CPAP: variants seen among roughly 807,000 people sequenced by gnomAD.
CPAP encodes the protein centrosomal P4.1-associated protein.
At chr13:24,926,671 A>G in the CPAP span, among the ~76,000 whole-genome samples, 3 of 152,080 alleles carry the variant, frequency 2.0e-5, no homozygotes, top group African/African-American at 4.8e-5. Context: ...CTCCTCCAAT[A>G]AATTGGAAAA....
chr13:24,898,321 G>A, the CPAP span, among the ~76,000 whole-genome samples: 7 of 152,102 alleles, frequency 4.6e-5, no homozygotes, highest in African/African-American at 1.4e-4. Flanking sequence ...AGAGTACAGC[G>A]GGGAGAGAGA....
At chr13:24,907,533 CT>C in the CPAP span, among the ~76,000 whole-genome samples, 2 of 151,874 alleles carry the variant, frequency 1.3e-5, no homozygotes, top group Non-Finnish European at 2.9e-5. Flanking sequence ...AAGAAAGGCC[CT>C]TAATGTGAGA....
chr13:24,901,755 G>C, the CPAP span, among the ~76,000 whole-genome samples: 4 of 152,206 alleles, frequency 2.6e-5, no homozygotes, highest in Non-Finnish European at 5.9e-5. Flanking sequence ...ACTTTGGGAG[G>C]CCAAGGCAGG....
the CPAP span, chr13:24,906,223 T>C: frequency 9.9e-6 from 16 of 1,609,834 alleles, no homozygotes; most frequent in Non-Finnish European, 1.2e-5. Context: ...TGCAGATCTG[T>C]TGATCCCTTT....
At chr13:24,888,049 TA>T in the CPAP span, among the ~76,000 whole-genome samples, 1 of 152,352 alleles carries the variant, frequency 6.6e-6, no homozygotes, top group African/African-American at 2.4e-5. Context: ...ATTTGCTTTC[TA>T]ATTGTCAAAC....
chr13:24,904,008 T>C, the CPAP span: 1 of 1,614,086 alleles, frequency 6.2e-7, no homozygotes. Flanking sequence ...TCTATTTCTG[T>C]TTCCAATTCA....
At chr13:24,927,627 A>G in the CPAP span, among the ~76,000 whole-genome samples, 1 of 152,218 alleles carries the variant, frequency 6.6e-6, no homozygotes, top group Admixed American at 6.5e-5. Flanking sequence ...CCAGCTATCA[A>G]TAATGAAGGC....
At chr13:24,903,348 T>A in the CPAP span, among the ~76,000 whole-genome samples, 4 of 152,274 alleles carry the variant, frequency 2.6e-5, no homozygotes, top group African/African-American at 9.6e-5. Flanking sequence ...AATATGACCC[T>A]ATCCTTAAAA....
chr13:24,926,551 AAAAG>A, the CPAP span, among the ~76,000 whole-genome samples: 1 of 152,198 alleles, frequency 6.6e-6, no homozygotes, highest in Admixed American at 6.5e-5. Context: ...AAAGAGCCTA[AAAAG>A]GAAAGGGAAG....
chr13:24,916,549 C>T, the CPAP span, among the ~76,000 whole-genome samples: 1 of 152,104 alleles, frequency 6.6e-6, no homozygotes, highest in South Asian at 2.1e-4. Context: ...CTAGTAATAC[C>T]CAGTAGGAAA....
At chr13:24,907,001 C>A in the CPAP span, 8 of 1,600,676 alleles carry the variant, frequency 5.0e-6, no homozygotes, top group East Asian at 1.8e-4. Flanking sequence ...TTTGGTATAT[C>A]CAAGTGATCT....
At chr13:24,916,966 T>C in the CPAP span, among the ~76,000 whole-genome samples, 1 of 152,138 alleles carries the variant, frequency 6.6e-6, no homozygotes, top group Admixed American at 6.5e-5. Context: ...AAAATACATT[T>C]ACGGCCCGGT....
the CPAP span, among the ~76,000 whole-genome samples, chr13:24,911,281 G>A: frequency 6.6e-6 from 1 of 152,188 alleles, no homozygotes; most frequent in East Asian, 1.9e-4. Flanking sequence ...GTGTGGTCAA[G>A]AAACTTTCAA....
chr13:24,922,739 G>C, the CPAP span: 1 of 152,298 alleles, frequency 6.6e-6, no homozygotes, highest in South Asian at 2.1e-4. Flanking sequence ...GAGCTCCTCC[G>C]CTCTTTTCGC....
the CPAP span, among the ~76,000 whole-genome samples, chr13:24,900,734 G>C: frequency 6.6e-6 from 1 of 152,176 alleles, no homozygotes; most frequent in Non-Finnish European, 1.5e-5. Context: ...GCGGGCAGCA[G>C]AGAGACCTGC....
the CPAP span, chr13:24,886,401 G>A: frequency 1.6e-6 from 2 of 1,278,114 alleles, no homozygotes; most frequent in Non-Finnish European, 2.0e-6. Flanking sequence ...AGACAGGAAT[G>A]GTTCCATTAC....
chr13:24,920,505 C>T, the CPAP span, among the ~76,000 whole-genome samples: 1 of 152,100 alleles, frequency 6.6e-6, no homozygotes, highest in African/African-American at 2.4e-5. Flanking sequence ...CATTTTCTCA[C>T]TGTATCACAC....
the CPAP span, among the ~76,000 whole-genome samples, chr13:24,900,596 C>A: frequency 1.3e-5 from 2 of 152,150 alleles, no homozygotes; most frequent in South Asian, 4.2e-4. Flanking sequence ...GAGCCGAGAT[C>A]GCACCATTGC....
the CPAP span, among the ~76,000 whole-genome samples, chr13:24,905,064 G>A: frequency 1.3e-5 from 2 of 152,096 alleles, no homozygotes; most frequent in South Asian, 2.1e-4. Context: ...ATACACAAAC[G>A]AAATGGTAAT....
Sources: gnomAD v4.1 joint callset for allele counts (sites outside exome capture counted in the v4.1 genomes callset) on GRCh38, gnomAD v4.1.1 for gene constraint, MANE v1.5 for transcripts, NCBI Gene and HGNC (gene_info 2026-07-23, HGNC 2026-07-21) for gene names.